The following MACROD2 variants were observed in gnomAD, a reference collection of about 807,000 sequenced individuals.
The protein encoded by MACROD2 is mono-ADP ribosylhydrolase 2.
A neutral mutation model predicts 70.4 loss-of-function variants in MACROD2; 36 were observed. The observed-to-expected ratio is 0.51, with a 90% CI of 0.39 to 0.68. The LOEUF (loss-of-function observed/expected upper bound fraction) is 0.68. MACROD2 is among the 30% of genes least tolerant of loss of function. MACROD2 has a pLI of 0.00. For missense variants in MACROD2, 496 were observed against 538.4 expected, an observed-to-expected ratio of 0.92 and a Z score of 0.78; for synonymous variants, 172 against 178.8, an observed-to-expected ratio of 0.96 and a Z score of 0.30.
intron 15 of MACROD2, among the ~76,000 whole-genome samples, chr20:15,989,506 A>G (rs143857861): frequency 6.6e-6 from 1 of 152,154 alleles, no homozygotes; most frequent in Non-Finnish European, 1.5e-5. Flanking sequence ...CATAACTTCT[A>G]TTTTTTTAAA....
At chr20:14,818,825 GTTTTTTTTTT>G (rs754477468) in intron 5 of MACROD2, among the ~76,000 whole-genome samples, 2 of 78,376 alleles carry the variant, frequency 2.6e-5, no homozygotes, top group Non-Finnish European at 4.8e-5. Flanking sequence ...TCTTCCTTAG[GTTTTTTTTTT>G]TTTTTTTTTT....
chr20:14,757,937 T>G, intron 5 of MACROD2: 1 of 1,059,788 alleles, frequency 9.4e-7, no homozygotes, highest in Non-Finnish European at 1.5e-6. Flanking sequence ...CAGAGATACC[T>G]ACAGACGGAG....
rs1568550867 is a variant in MACROD2, at chr20:15,770,088, T to TA, written c.646-92657_646-92656insA. On this transcript the variant is annotated intron_variant, in intron 8 of 17. Coordinates refer to ENST00000684519, the MANE Select transcript of MACROD2 (RefSeq NM_001351661.2). ...TTATTTTTTTAATTTATTTTAATTT[T>TA]CTTTTTTTTTTTTTTTTTTTTTTAG... 1.2e-3 allele frequency among the ~76,000 whole-genome samples: 104 copies of TA among 88,376 alleles called. 1 individual carries two copies. The highest frequency in any genetic ancestry group is 3.9e-3 in the Admixed American group (34 of 8,766). The allele number at this position is 88,376 out of a possible 152,430, so 58.0% of individuals were successfully genotyped here.
At chr20:14,603,351 G>C (rs566263741) in intron 4 of MACROD2, among the ~76,000 whole-genome samples, 2 of 152,228 alleles carry the variant, frequency 1.3e-5, no homozygotes, top group East Asian at 3.9e-4. Flanking sequence ...ACTCAAGTCT[G>C]GTAGTGCACA....
In MACROD2 at chr20:15,407,513, A is replaced by G. The variant is rs531454190; in HGVS notation, c.541-23892A>G. On this transcript the variant is annotated intron_variant, in intron 6 of 17. Coordinates refer to ENST00000684519, the MANE Select transcript of MACROD2 (RefSeq NM_001351661.2). ...TGGGGATCCCAACTTGAGAAGCTCTATAACTGTTCCTTTTATTCCTAGGAC... is the reference window on the plus strand; with the variant it reads ...TGGGGATCCCAACTTGAGAAGCTCTGTAACTGTTCCTTTTATTCCTAGGAC... Among the ~76,000 whole-genome samples the G allele has an allele frequency of 3.3e-5, 5 of 152,338 alleles. No individual in the cohort carries two copies. The South Asian group carries it at 8.3e-4, about 25-fold the overall frequency.
At chr20:15,691,944 T>C (rs1032634507) in intron 8 of MACROD2, among the ~76,000 whole-genome samples, 3 of 152,222 alleles carry the variant, frequency 2.0e-5, no homozygotes, top group Non-Finnish European at 2.9e-5. Flanking sequence ...AATATTCTGA[T>C]CATATAGTTT....
chr20:14,572,551 T>G (rs1290585797), intron 4 of MACROD2, among the ~76,000 whole-genome samples: 3 of 152,130 alleles, frequency 2.0e-5, no homozygotes, highest in Admixed American at 1.3e-4. Flanking sequence ...TGAAAATGAA[T>G]AGTCTCTAAC....
chr20:14,183,161 C>G (rs1301423402), intron 3 of MACROD2, among the ~76,000 whole-genome samples: 1 of 150,814 alleles, frequency 6.6e-6, no homozygotes, highest in African/African-American at 2.4e-5. Context: ...GTTATTTTTC[C>G]TGATCCTCTC....
In MACROD2 at chr20:15,887,226, A is replaced by G. The variant is rs147869039; in HGVS notation, c.775+1415A>G. Among the ~76,000 whole-genome samples the G allele has an allele frequency of 6.0e-4, 92 of 152,228 alleles. 1 individual carries two copies. In the East Asian group the frequency reaches 0.015, roughly 26 times the overall value. On this transcript the variant is annotated intron_variant, in intron 10 of 17. Coordinates refer to ENST00000684519, the MANE Select transcript of MACROD2 (RefSeq NM_001351661.2). ...CTCCCCGGACTGCCCACTATCTTCAAGGGGAAATAACACCAGTTTATTTTC... is the reference window on the plus strand; with the variant it reads ...CTCCCCGGACTGCCCACTATCTTCAGGGGGAAATAACACCAGTTTATTTTC...
intron 5 of MACROD2, among the ~76,000 whole-genome samples, chr20:15,127,335 T>G (rs1014802884): frequency 1.3e-5 from 2 of 152,082 alleles, no homozygotes; most frequent in African/African-American, 4.8e-5. Flanking sequence ...AAACATTATC[T>G]AAAACATATT....
At chr20:15,523,428 C>G (rs1233776) in intron 8 of MACROD2, among the ~76,000 whole-genome samples, 39,947 of 152,078 alleles carry the variant, frequency 0.26, 6,644 homozygotes, top group African/African-American at 0.47. Flanking sequence ...GTTGGAAGGG[C>G]CTAGTCTGGG....
intron 6 of MACROD2, among the ~76,000 whole-genome samples, chr20:15,376,315 T>C (rs1320021661): frequency 6.6e-6 from 1 of 152,108 alleles, no homozygotes; most frequent in Non-Finnish European, 1.5e-5. Flanking sequence ...AGGAAGCAGG[T>C]TGGATACAGA....
At chr20:15,176,067 C>T (rs1411869868) in intron 5 of MACROD2, among the ~76,000 whole-genome samples, 1 of 152,210 alleles carries the variant, frequency 6.6e-6, no homozygotes, top group African/African-American at 2.4e-5. Flanking sequence ...AGGCTGGGTG[C>T]TGTTGCAATG....
At chr20:14,269,340 C>A (rs2082170907) in intron 3 of MACROD2, among the ~76,000 whole-genome samples, 1 of 152,058 alleles carries the variant, frequency 6.6e-6, no homozygotes, top group African/African-American at 2.4e-5. Flanking sequence ...CTGAAAAATG[C>A]GTTGATATCT....
At chr20:14,808,807 A>C (rs957878352) in intron 5 of MACROD2, among the ~76,000 whole-genome samples, 2 of 152,008 alleles carry the variant, frequency 1.3e-5, no homozygotes, top group Admixed American at 1.3e-4. Flanking sequence ...GATAAAAGAG[A>C]CTTTAAACCA....
At chr20:14,215,268 A>G (rs1270335444) in intron 3 of MACROD2, among the ~76,000 whole-genome samples, 3 of 150,858 alleles carry the variant, frequency 2.0e-5, no homozygotes, top group Non-Finnish European at 4.4e-5. Context: ...TCCATCATAT[A>G]TATATGTTCT....
At chr20:15,964,652 C>T (rs1323533815) in intron 12 of MACROD2, among the ~76,000 whole-genome samples, 2 of 152,122 alleles carry the variant, frequency 1.3e-5, no homozygotes, top group Admixed American at 6.6e-5. Flanking sequence ...CAGCTTTCAT[C>T]ACCCCCTAAG....
intron 4 of MACROD2, among the ~76,000 whole-genome samples, chr20:14,561,141 G>C (rs536508129): frequency 1.3e-5 from 2 of 151,714 alleles, no homozygotes; most frequent in Non-Finnish European, 2.9e-5. Context: ...TGGAGAATTC[G>C]TAATACTGCA....
intron 2 of MACROD2, among the ~76,000 whole-genome samples, chr20:14,071,050 T>TA (rs2053830094): frequency 6.6e-6 from 1 of 152,110 alleles, no homozygotes; most frequent in Non-Finnish European, 1.5e-5. Flanking sequence ...GATGATCCCT[T>TA]AGCTGTTTAT....
Sources: gnomAD v4.1 joint callset for allele counts (sites outside exome capture counted in the v4.1 genomes callset) on GRCh38, gnomAD v4.1.1 for gene constraint, MANE v1.5 for transcripts, NCBI Gene and HGNC (gene_info 2026-07-23, HGNC 2026-07-21) for gene names.